Variants in CDH7 observed in about 807,000 individuals in gnomAD.
CDH7 encodes cadherin 7.
A neutral mutation model predicts 71.8 loss-of-function variants in CDH7; 25 were observed. The observed-to-expected ratio is 0.35, with a 90% confidence interval of 0.25 to 0.49. The LOEUF (loss-of-function observed/expected upper bound fraction) is 0.49, where lower values mean the gene tolerates loss of function less well. CDH7 is among the 20% of genes least tolerant of loss of function. The probability of loss-of-function intolerance (pLI) is 0.99; values close to 1 mark genes in which losing one functional copy is unlikely to be tolerated. For missense variants in CDH7, 862 were observed against 974.6 expected (o/e 0.88, Z 1.54); for synonymous variants, 381 against 363.8 (o/e 1.05, Z -0.54).
intron 11 of CDH7, among the ~76,000 whole-genome samples, chr18:65,878,111 G>C (rs2144068223): frequency 6.6e-6 from 1 of 152,234 alleles, no homozygotes; most frequent in Admixed American, 6.5e-5. Flanking sequence ...GAGAATTGTT[G>C]TGAGTGTTAA....
intron 7 of CDH7, among the ~76,000 whole-genome samples, chr18:65,856,999 G>A (rs1206483588): frequency 2.2e-5 from 3 of 135,868 alleles, no homozygotes; most frequent in Non-Finnish European, 4.6e-5. Context: ...TCCTGGTCAA[G>A]ACCACTGAGT....
intron 7 of CDH7, among the ~76,000 whole-genome samples, chr18:65,846,901 A>G (rs1564817): frequency 0.62 from 94,589 of 152,040 alleles, 31,232 homozygotes; most frequent in East Asian, 0.93. Flanking sequence ...TTATCATTAT[A>G]TATTGCTATT....
chr18:65,798,879 C>T (rs1053009431), intron 2 of CDH7, among the ~76,000 whole-genome samples: 34 of 152,204 alleles, frequency 2.2e-4, no homozygotes, highest in African/African-American at 7.2e-4. Context: ...TGGTGAGGCA[C>T]GCAGGGGATC....
Position 65,859,006 on chromosome 18 carries a change from A to G in CDH7, c.1454A>G (p.Asp485Gly). The change falls in exon 9 of 12, where the codon GAC becomes GGC. Residue 485 changes from aspartate (D) to glycine (G), a missense_variant. Coordinates refer to ENST00000397968, the MANE Select transcript of CDH7 (RefSeq NM_004361.5). ...GATAACGCCCCTGAATTTGCCATGG[A>G]CTATGAGACCACCGTCTGTGAAAAT... ...INDNAPEFAM[D>G]YETTVCENAQ... 1 of 1,613,634 alleles carries G rather than the reference A, an allele frequency of 6.2e-7. No individual in the cohort carries two copies. Among genetic ancestry groups the G allele is most frequent in the Non-Finnish European group, 8.5e-7 (1 of 1,179,612 alleles).
intron 1 of CDH7, among the ~76,000 whole-genome samples, chr18:65,762,397 T>C (rs1486131705): frequency 1.3e-5 from 2 of 152,214 alleles, no homozygotes; most frequent in African/African-American, 4.8e-5. Flanking sequence ...AGAAAAGTGA[T>C]ATTTTAAAGT....
intron 2 of CDH7, among the ~76,000 whole-genome samples, chr18:65,782,065 T>C (rs150248175): frequency 0.14 from 6,029 of 41,742 alleles, 946 homozygotes; most frequent in Admixed American, 0.22. Context: ...TTCCTTCCTT[T>C]CTTTCTTTCT....
chr18:65,796,957 A>G (rs1910939368), intron 2 of CDH7, among the ~76,000 whole-genome samples: 1 of 152,182 alleles, frequency 6.6e-6, no homozygotes, highest in African/African-American at 2.4e-5. Flanking sequence ...CAGTTTAAAA[A>G]TCTAAACAGA....
At chr18:65,837,246 C>A (rs1353243365) in intron 6 of CDH7, among the ~76,000 whole-genome samples, 1 of 152,112 alleles carries the variant, frequency 6.6e-6, no homozygotes, top group Non-Finnish European at 1.5e-5. Flanking sequence ...AGATTTTATT[C>A]AAGGCTGTTG....
Position 65,881,035 on chromosome 18 carries a change from T to C in CDH7, c.*141T>C. 2 of 841,474 alleles carry C rather than the reference T, an allele frequency of 2.4e-6. No homozygotes were observed. Among genetic ancestry groups the C allele is most frequent in the Non-Finnish European group, 3.5e-6 (2 of 571,316 alleles). The allele number at this position is 841,474 out of a possible 1,614,324, so 52.1% of individuals were successfully genotyped here. On this transcript the variant is annotated 3_prime_UTR_variant, in exon 12 of 12. Coordinates refer to ENST00000397968, the MANE Select transcript of CDH7 (RefSeq NM_004361.5). ...ACAGATGGTTGTAAATATTTCTCCA[T>C]TTTTAATTGTTTAGATTTCTGCCTT... is the stretch of plus-strand genomic sequence containing the variant.
chr18:65,831,023 C>A (rs949086525), intron 6 of CDH7, among the ~76,000 whole-genome samples: 3 of 151,940 alleles, frequency 2.0e-5, no homozygotes, highest in African/African-American at 7.3e-5. Flanking sequence ...TCCAGCTAGT[C>A]TTAAAAGAAT....
rs1349787786 is a variant in CDH7, at chr18:65,882,032, G to T, written c.*1138G>T. ...TTTTTCAAGATCATGAGTTCTACATGCTCCAAAGACGATTTCAAGAACACA... is the reference window on the plus strand; with the variant it reads ...TTTTTCAAGATCATGAGTTCTACATTCTCCAAAGACGATTTCAAGAACACA... On this transcript the variant is annotated 3_prime_UTR_variant, in exon 12 of 12. Transcript: ENST00000397968. 1.6e-5 allele frequency: 1 copy of T among 62,762 alleles called. No homozygotes were observed. Among genetic ancestry groups the T allele is most frequent in the African/African-American group, 4.9e-5 (1 of 20,438 alleles). 3.9% of individuals were successfully genotyped at this position (62,762 alleles called of 1,614,324 possible). A position where few individuals can be genotyped will look rare whatever the true frequency, so the allele number is the denominator to read the frequency against.
intron 1 of CDH7, among the ~76,000 whole-genome samples, chr18:65,757,667 C>T (rs535455617): frequency 2.2e-4 from 33 of 152,228 alleles, no homozygotes; most frequent in Middle Eastern, 3.4e-3. Flanking sequence ...CTGTGATTTA[C>T]CTCTGTGCCC....
chr18:65,799,689 G>C (rs1288218802), intron 2 of CDH7, among the ~76,000 whole-genome samples: 1 of 151,004 alleles, frequency 6.6e-6, no homozygotes, highest in Non-Finnish European at 1.5e-5. Flanking sequence ...AAAAAAAAAA[G>C]TACAATCCCA....
rs1257121675 is a variant in CDH7, at chr18:65,814,719, CAA to C, written c.625+116_625+117del. The C allele has an allele frequency of 4.9e-6, 4 of 816,922 alleles. No homozygotes were observed. The African/African-American group carries it at 5.3e-5, about 11-fold the overall frequency. The allele number at this position is 816,922 out of a possible 1,614,324, so 50.6% of individuals were successfully genotyped here. On this transcript the variant is annotated intron_variant, in intron 4 of 11. Coordinates refer to ENST00000397968, the MANE Select transcript of CDH7 (RefSeq NM_004361.5). ...ACATACCATTTTATTATGCTTCTCTCAATATGTCTACTTTGGTAAGCATGATA... is the reference window on the plus strand; with the variant it reads ...ACATACCATTTTATTATGCTTCTCTCTATGTCTACTTTGGTAAGCATGATA...
At chr18:65,805,185 G>T (rs1911271499) in intron 2 of CDH7, among the ~76,000 whole-genome samples, 1 of 152,104 alleles carries the variant, frequency 6.6e-6, no homozygotes, top group East Asian at 1.9e-4. Flanking sequence ...TCAATATAAA[G>T]CAGAATTAAA....
chr18:65,766,812 G>A (rs530959421), intron 2 of CDH7, among the ~76,000 whole-genome samples: 57 of 141,342 alleles, frequency 4.0e-4, no homozygotes, highest in Admixed American at 4.0e-3. Context: ...TCATTGGATC[G>A]CACTGCATTT....
chr18:65,880,677 G>T lies in CDH7; in HGVS notation c.2141G>T (p.Arg714Ile), dbSNP rs758682772. The T allele has an allele frequency of 1.7e-5, 28 of 1,613,940 alleles. No individual in the cohort carries two copies. Among genetic ancestry groups the T allele is most frequent in the Non-Finnish European group, 2.3e-5 (27 of 1,180,022 alleles). The change falls in exon 12 of 12, where the codon AGA (arginine) becomes ATA (isoleucine). Residue 714 changes from arginine to isoleucine, a missense_variant. Arg to Ile is a moderately conservative substitution (Grantham distance 97). Transcript: ENST00000397968. The part of the protein sequence containing the change: ...NVIFREFIWE[R>I]LKEADVDPGA... ...ATCTTTAGGGAATTTATTTGGGAAA[G>T]ATTAAAAGAAGCCGATGTTGATCCT... is the stretch of plus-strand genomic sequence containing the variant.
chr18:65,762,098 C>T (rs561936759), intron 1 of CDH7, among the ~76,000 whole-genome samples: 1 of 152,296 alleles, frequency 6.6e-6, no homozygotes, highest in Non-Finnish European at 1.5e-5. Context: ...CAGAACACAT[C>T]AAAACAGCTG....
intron 1 of CDH7, among the ~76,000 whole-genome samples, chr18:65,758,779 G>A: frequency 6.6e-6 from 1 of 152,156 alleles, no homozygotes; most frequent in East Asian, 1.9e-4. Context: ...ATCTTGACTT[G>A]TTATACGGTT....
Sources: gnomAD v4.1 joint callset for allele counts (sites outside exome capture counted in the v4.1 genomes callset) on GRCh38, gnomAD v4.1.1 for gene constraint, MANE v1.5 for transcripts, NCBI Gene and HGNC (gene_info 2026-07-23, HGNC 2026-07-21) for gene names.